Variants in JAK3 observed in about 807,000 individuals in gnomAD.
The protein encoded by JAK3 is Janus kinase 3.
JAK3 carries 88 observed loss-of-function variants against 120.8 expected under a neutral mutation model. The observed-to-expected ratio is 0.73, with a 90% CI of 0.61 to 0.87. The LOEUF is 0.87. JAK3 is among the 40% of genes least tolerant of loss of function. The pLI is 0.00. For synonymous variants in JAK3, 592 were observed against 628.6 expected, an observed-to-expected ratio of 0.94 and a Z score of 0.87; for missense variants, 1,254 against 1,501.4, an observed-to-expected ratio of 0.84 and a Z score of 2.72.
chr19:17,826,926 C>G lies in JAK3; in HGVS notation c.3208-16G>C, dbSNP rs200008494. 1.4e-5 allele frequency: 22 copies of G among 1,604,644 alleles called. No homozygotes were observed. ...GCTCGTGAACCTGAGGGGCGGGGGA[C>G]AGATAATGGGGTCGTGCCTGAGCAG... On this transcript the variant is annotated splice_polypyrimidine_tract_variant and intron_variant, in intron 23 of 23. Transcript: ENST00000458235.
In JAK3 at chr19:17,832,963, C is replaced by T; in HGVS notation, c.2351-34G>A. On this transcript the variant is annotated intron_variant, in intron 17 of 23. Coordinates refer to ENST00000458235, the MANE Select transcript of JAK3 (RefSeq NM_000215.4). The surrounding 1 kb of genome is among the most constrained non-coding windows in gnomAD (Gnocchi z 4.7). ...GGGGCATGGGCAGTGGTAAGCAGCG[C>T]CTCTCATCCTGGGCCCCACTCCTGA... 6.3e-7 allele frequency: 1 copy of T among 1,595,986 alleles called. No homozygotes were observed. The highest frequency in any genetic ancestry group is 1.8e-5 in the Admixed American group (1 of 56,822).
chr19:17,835,327 C>T, intron 14 of JAK3, 112 bp from the exon 15 acceptor site: 3 of 1,352,388 alleles, frequency 2.2e-6, no homozygotes, highest in Non-Finnish European at 3.0e-6. Context: ...CAGACATGCT[C>T]CAGCATCGTC....
In JAK3 at chr19:17,842,978, G is replaced by A. The variant is rs2094243578; in HGVS notation, c.566+49C>T. ...CCGGCAAAGCCCCGATGGAGCCCAC[G>A]TTGCTCACTCCCAAGCAGAGGCCGT... On this transcript the variant is annotated intron_variant, in intron 5 of 23. Transcript: ENST00000458235. This position sits in a 1 kb window ranked among gnomAD's most constrained non-coding sequence, Gnocchi z 6.4. 1 of 1,604,326 alleles carries A rather than the reference G, an allele frequency of 6.2e-7. No individual in the cohort carries two copies. The highest frequency in any genetic ancestry group is 1.1e-5 in the South Asian group (1 of 91,020).
intron 1 of JAK3, among the ~76,000 whole-genome samples, chr19:17,845,893 C>T (rs1045649154): frequency 2.6e-5 from 4 of 152,040 alleles, no homozygotes; most frequent in Non-Finnish European, 5.9e-5. Context: ...GGCACAATCT[C>T]GGCTTACTCT....
Position 17,838,375 on chromosome 19 carries a change from A to G in JAK3, c.1457T>C (p.Ile486Thr). The change falls in exon 11 of 24, where the codon ATC (isoleucine) becomes ACC (threonine). Residue 486 changes from isoleucine to threonine, a missense_variant. This residue lies in a region of JAK3 where 486 missense variants were observed against 503.0 expected (regional missense o/e 0.97). Transcript: ENST00000458235. ...IPRPKEKSNL[I>T]VVQRGHSPPT... ...TGGGCTGTGACCTCTCTGGACCACGATCAGGTTGGACTTTTCTATGGGGAG... is the reference window on the plus strand; with the variant it reads ...TGGGCTGTGACCTCTCTGGACCACGGTCAGGTTGGACTTTTCTATGGGGAG... 1 of 1,614,136 alleles carries G rather than the reference A, an allele frequency of 6.2e-7. No individual in the cohort carries two copies. Among genetic ancestry groups the G allele is most frequent in the Non-Finnish European group, 8.5e-7 (1 of 1,180,022 alleles).
chr19:17,838,311 C>T lies in JAK3; in HGVS notation c.1521G>A (p.Gln507=), dbSNP rs2147688678. The part of the protein sequence containing the change: ...SSLVQPQSQY[Q]LSQMTFHKIP... ...TCTTGTGAAATGTCATCTGACTCAG[C>T]TGGTATTGGGATTGGGGCTGAACCA... Residue 507 remains glutamine, a synonymous_variant, in exon 11 of 24, where the codon CAG becomes CAA. Transcript: ENST00000458235. 1 of 1,614,094 alleles carries T rather than the reference C, an allele frequency of 6.2e-7. No homozygotes were observed. The highest frequency in any genetic ancestry group is 8.5e-7 in the Non-Finnish European group (1 of 1,180,030).
chr19:17,834,308 T>G (rs975900766), intron 17 of JAK3, among the ~76,000 whole-genome samples: 1 of 152,054 alleles, frequency 6.6e-6, no homozygotes, highest in Non-Finnish European at 1.5e-5. Flanking sequence ...TGAGCCGAAA[T>G]TGTGCCACTG....
Position 17,832,808 on chromosome 19 carries a change from G to A in JAK3, c.2472C>T (p.Tyr824=). 4 of 1,614,258 alleles carry A rather than the reference G, an allele frequency of 2.5e-6. No homozygotes were observed. Among genetic ancestry groups the A allele is most frequent in the Non-Finnish European group, 3.4e-6 (4 of 1,180,042 alleles). Residue 824 remains tyrosine (Y), a synonymous_variant, in exon 18 of 24, where the codon TAC becomes TAT. Coordinates refer to ENST00000458235, the MANE Select transcript of JAK3 (RefSeq NM_000215.4). This position sits in a 1 kb window ranked among gnomAD's most constrained non-coding sequence, Gnocchi z 4.7. The part of the protein sequence containing the change: ...PTIFEERHLK[Y]ISQLGKGNFG... ...ACCTTACCTTGCCCAGCTGTGAGAT[G>A]TACTTGAGGTGTCTCTCCTCGAAGA...
intron 1 of JAK3, among the ~76,000 whole-genome samples, chr19:17,847,400 AAAGTC>A (rs1195411004): frequency 6.6e-6 from 1 of 152,160 alleles, no homozygotes; most frequent in African/African-American, 2.4e-5. Context: ...AAAAAAATGA[AAAGTC>A]AGAGGTGATG....
chr19:17,830,245 T>TGGGGGAGGAGCCTCCGTGGGTGGA, intron 22 of JAK3, 27 bp from the exon 23 acceptor site: 1 of 1,196,312 alleles, frequency 8.4e-7, no homozygotes, highest in Non-Finnish European at 1.1e-6. Context: ...GCGCATGTGG[T>TGGGGGAGGAGCCTCCGTGGGTGGA]GGGGGAGGAG....
At position 17,842,711 on chromosome 19, in the gene JAK3, C is replaced by T. The variant is rs2094242994; in HGVS notation, c.567-101G>A. On this transcript the variant is annotated intron_variant, in intron 5 of 23. Coordinates refer to ENST00000458235, the MANE Select transcript of JAK3 (RefSeq NM_000215.4). This position sits in a 1 kb window ranked among gnomAD's most constrained non-coding sequence, Gnocchi z 6.4. Reference sequence around the variant, plus strand: ...CTTTAGCCCAGGGGCTGGGGTGCGGCCCTAGTTGGGGCACCAGGCACACAC... The same window carrying T: ...CTTTAGCCCAGGGGCTGGGGTGCGGTCCTAGTTGGGGCACCAGGCACACAC... The T allele has an allele frequency of 7.9e-7, 1 of 1,270,034 alleles. No individual in the cohort carries two copies. Among genetic ancestry groups the T allele is most frequent in the South Asian group, 1.5e-5 (1 of 66,134 alleles). 78.7% of individuals were successfully genotyped at this position (1,270,034 alleles called of 1,614,324 possible).
intron 23 of JAK3, among the ~76,000 whole-genome samples, chr19:17,827,245 C>A (rs573575093): frequency 6.6e-6 from 1 of 152,170 alleles, no homozygotes; most frequent in African/African-American, 2.4e-5. Context: ...TCCCAAAGTG[C>A]TGGGATTATA....
chr19:17,841,882 A>G lies in JAK3; in HGVS notation c.862-120T>C. On this transcript the variant is annotated intron_variant, in intron 6 of 23. Coordinates refer to ENST00000458235, the MANE Select transcript of JAK3 (RefSeq NM_000215.4). This position sits in a 1 kb window ranked among gnomAD's most constrained non-coding sequence, Gnocchi z 4.1. ...ATCCCTTTGCCATTCAACCCTTCCA[A>G]GCCGCGCCCCCTCCTATCAACTCCA... is the stretch of plus-strand genomic sequence containing the variant. 5 of 1,399,206 alleles carry G rather than the reference A, an allele frequency of 3.6e-6. No individual in the cohort carries two copies. The South Asian group carries it at 6.2e-5, about 17-fold the overall frequency. The allele number at this position is 1,399,206 out of a possible 1,614,324, so 86.7% of individuals were successfully genotyped here.
In JAK3 at chr19:17,843,380, C is replaced by T. The variant is rs1339269565; in HGVS notation, c.420G>A (p.Gln140=). The part of the protein sequence containing the change: ...DLPVLEHLFA[Q]HRSDLVSGRL... ...GGTCAAACCCCAGGCAGAACCCCACCTGGGCAAAGAGGTGCTCCAGGACTG... is the reference window on the plus strand; with the variant it reads ...GGTCAAACCCCAGGCAGAACCCCACTTGGGCAAAGAGGTGCTCCAGGACTG... The change falls in exon 4 of 24, where the codon CAG becomes CAA. Residue 140 remains glutamine, a splice_region_variant and synonymous_variant. Coordinates refer to ENST00000458235, the MANE Select transcript of JAK3 (RefSeq NM_000215.4). This position sits in a 1 kb window ranked among gnomAD's most constrained non-coding sequence, Gnocchi z 5.4. 6.3e-7 allele frequency: 1 copy of T among 1,587,158 alleles called. No individual in the cohort carries two copies. The highest frequency in any genetic ancestry group is 1.1e-5 in the South Asian group (1 of 87,648).
intron 1 of JAK3, 87 bp from the exon 2 acceptor site, chr19:17,844,517 G>A: frequency 8.2e-7 from 1 of 1,221,776 alleles, no homozygotes; most frequent in Non-Finnish European, 1.1e-6. Flanking sequence ...GAGTGCTGGA[G>A]GCCGGGTGCG....
chr19:17,831,685 G>A lies in JAK3; in HGVS notation c.2794C>T (p.Gln932Ter), dbSNP rs773764725. The A allele has an allele frequency of 6.2e-7, 1 of 1,608,858 alleles. No homozygotes were observed. The highest frequency in any genetic ancestry group is 8.5e-7 in the Non-Finnish European group (1 of 1,178,326). The change falls in exon 20 of 24, where the codon CAG (glutamine) becomes TAG (stop). Residue 932 changes from glutamine to a stop codon, truncating the protein, a stop_gained. Coordinates refer to ENST00000458235, the MANE Select transcript of JAK3 (RefSeq NM_000215.4). LOFTEE classifies it high-confidence loss of function. The surrounding 1 kb of genome is among the most constrained non-coding windows in gnomAD (Gnocchi z 5.1). ...DASRLLLYSSQICKGMEYLGS... is the reference protein window; with the variant it reads ...DASRLLLYSS The stretch of plus-strand genomic sequence containing the variant: ...GCGCCCCCTCGCACCTTGCAGATCT[G>A]CGAGGAATAGAGAAGGAGGCGGCTG...
chr19:17,832,948 CAGTGGTA>C lies in JAK3; in HGVS notation c.2351-26_2351-20del. 6.2e-7 allele frequency: 1 copy of C among 1,606,566 alleles called. No homozygotes were observed. The highest frequency in any genetic ancestry group is 8.5e-7 in the Non-Finnish European group (1 of 1,176,670). ...TCATAGTCTGGGGTGGGGGCATGGG[CAGTGGTA>C]AGCAGCGCCTCTCATCCTGGGCCCC... On this transcript the variant is annotated intron_variant, in intron 17 of 23. Coordinates refer to ENST00000458235, the MANE Select transcript of JAK3 (RefSeq NM_000215.4). The surrounding 1 kb of genome is among the most constrained non-coding windows in gnomAD (Gnocchi z 4.7).
chr19:17,831,282 G>A lies in JAK3; in HGVS notation c.2924C>T (p.Pro975Leu), dbSNP rs745535201. Residue 975 changes from proline (P) to leucine (L), a missense_variant, in exon 21 of 24, where the codon CCG becomes CTG. Physicochemically the swap from Pro to Leu is moderately conservative, Grantham distance 98. Around this residue, in one of 3 missense-constraint regions of JAK3, gnomAD observed 630 missense variants for 819.8 expected, o/e 0.77. Transcript: ENST00000458235. This position sits in a 1 kb window ranked among gnomAD's most constrained non-coding sequence, Gnocchi z 5.1. ...IADFGLAKLL[P>L]LDKDYYVVRE... ...GACCACGTAGTAGTCTTTGTCAAGCGGCAGCAGCTTAGCTAGGCCGAAGTC... is the reference window on the plus strand; with the variant it reads ...GACCACGTAGTAGTCTTTGTCAAGCAGCAGCAGCTTAGCTAGGCCGAAGTC... 1 of 1,612,766 alleles carries A rather than the reference G, an allele frequency of 6.2e-7. No homozygotes were observed. Among genetic ancestry groups the A allele is most frequent in the Admixed American group, 1.7e-5 (1 of 59,998 alleles).
chr19:17,832,828 C>T lies in JAK3; in HGVS notation c.2452G>A (p.Glu818Lys), dbSNP rs374191135. The part of the protein sequence containing the change: ...LYACQDPTIF[E>K]ERHLKYISQL... ...GAGATGTACTTGAGGTGTCTCTCCT[C>T]GAAGATCGTGGGGTCTTGGCAGGCA... The change falls in exon 18 of 24, where the codon GAG becomes AAG. Residue 818 changes from glutamate to lysine, a missense_variant. Around this residue, in one of 3 missense-constraint regions of JAK3, gnomAD observed 630 missense variants for 819.8 expected, o/e 0.77. Transcript: ENST00000458235. This position sits in a 1 kb window ranked among gnomAD's most constrained non-coding sequence, Gnocchi z 4.7. 6.8e-6 allele frequency: 11 copies of T among 1,614,120 alleles called. No homozygotes were observed. Among genetic ancestry groups the T allele is most frequent in the African/African-American group, 1.3e-5 (1 of 74,932 alleles).
Sources: gnomAD v4.1 joint callset for allele counts (sites outside exome capture counted in the v4.1 genomes callset) on GRCh38, gnomAD v4.1.1 for gene constraint, gnomAD v4.1.1 regional missense constraint, Gnocchi (gnomAD v3.1) non-coding constraint, MANE v1.5 for transcripts, NCBI Gene and HGNC (gene_info 2026-07-23, HGNC 2026-07-21) for gene names.